The following KCNJ6 variants were observed in gnomAD, a reference collection of about 807,000 sequenced individuals.
KCNJ6 encodes the protein potassium inwardly rectifying channel subfamily J member 6, also known as G protein-activated inward rectifier potassium channel 2.
A neutral mutation model predicts 34.2 loss-of-function variants in KCNJ6; 9 were observed. The observed-to-expected ratio is 0.26, with a 90% CI of 0.16 to 0.46. The LOEUF (loss-of-function observed/expected upper bound fraction) is 0.46, where lower values mean the gene tolerates loss of function less well. Among genes scored for constraint, KCNJ6 ranks in the 20% least tolerant of loss-of-function variants. KCNJ6 has a pLI of 1.00. For synonymous variants in KCNJ6, 196 were observed against 207.1 expected, an observed-to-expected ratio of 0.95 and a Z score of 0.46; for missense variants, 236 against 531.3, an observed-to-expected ratio of 0.44 and a Z score of 5.46.
chr21:37,769,410 A>AT (rs757100924), intron 2 of KCNJ6, among the ~76,000 whole-genome samples: 1 of 94,196 alleles, frequency 1.1e-5, no homozygotes, highest in Non-Finnish European at 2.1e-5. Context: ...GTAGCCTTCA[A>AT]TTTTATTATT....
chr21:37,826,907 G>A (rs562992193), intron 2 of KCNJ6, among the ~76,000 whole-genome samples: 2 of 152,080 alleles, frequency 1.3e-5, no homozygotes, highest in Admixed American at 6.5e-5. Flanking sequence ...TCCTTTTCAC[G>A]TCTTACTGAG....
At chr21:37,706,994 T>C (rs2054723220) in intron 3 of KCNJ6, among the ~76,000 whole-genome samples, 1 of 152,252 alleles carries the variant, frequency 6.6e-6, no homozygotes, top group Non-Finnish European at 1.5e-5. Context: ...TCATGTCCAC[T>C]TTCGGTAGAA....
intron 2 of KCNJ6, among the ~76,000 whole-genome samples, chr21:37,718,938 G>C (rs1037234508): frequency 6.6e-6 from 1 of 152,208 alleles, no homozygotes; most frequent in African/African-American, 2.4e-5. Flanking sequence ...TCCCTCCCAG[G>C]TGAGGCCGTG....
At chr21:37,772,469 G>A (rs965909487) in intron 2 of KCNJ6, among the ~76,000 whole-genome samples, 2 of 152,130 alleles carry the variant, frequency 1.3e-5, no homozygotes, top group Non-Finnish European at 2.9e-5. Flanking sequence ...AGTTATTTTA[G>A]AATCGTCATA....
intron 2 of KCNJ6, among the ~76,000 whole-genome samples, chr21:37,791,731 T>C (rs568470025): frequency 1.3e-5 from 2 of 152,346 alleles, no homozygotes; most frequent in South Asian, 4.1e-4. Context: ...CCTGCCAGCA[T>C]TGCTTTCCTA....
intron 1 of KCNJ6, among the ~76,000 whole-genome samples, chr21:37,841,843 T>G (rs2055482451): frequency 6.6e-6 from 1 of 152,256 alleles, no homozygotes; most frequent in African/African-American, 2.4e-5. Flanking sequence ...TTTTTACTAC[T>G]TCATAAAACA....
In KCNJ6 at chr21:37,714,852, A is replaced by G; in HGVS notation, c.305T>C (p.Val102Ala). 2 of 1,614,260 alleles carry G rather than the reference A, an allele frequency of 1.2e-6. No homozygotes were observed. Among genetic ancestry groups the G allele is most frequent in the Non-Finnish European group, 1.7e-6 (2 of 1,180,050 alleles). Reference sequence around the variant, plus strand: ...GATCATTCCAAAAAAGAGCCAGGTCACTGTGTAAACCATGACAAAAATCAA... The same window carrying G: ...GATCATTCCAAAAAAGAGCCAGGTCGCTGTGTAAACCATGACAAAAATCAA... ...NLLIFVMVYT[V>A]TWLFFGMIWW... is the part of the protein sequence containing the mutation. Residue 102 changes from valine to alanine, a missense_variant, in exon 3 of 4, where the codon GTG (valine) becomes GCG (alanine). By Grantham distance (64) the Val-to-Ala change is moderately conservative. Coordinates refer to ENST00000609713, the MANE Select transcript of KCNJ6 (RefSeq NM_002240.5). The surrounding 1 kb of genome is among the most constrained non-coding windows in gnomAD (Gnocchi z 5.9).
chr21:37,658,043 G>A (rs964911467), intron 3 of KCNJ6, among the ~76,000 whole-genome samples: 16 of 152,194 alleles, frequency 1.1e-4, no homozygotes, highest in African/African-American at 3.9e-4. Flanking sequence ...TTAAAACGAG[G>A]CTCTTATTCC....
intron 2 of KCNJ6, among the ~76,000 whole-genome samples, chr21:37,739,817 G>A (rs1218278149): frequency 1.3e-5 from 2 of 152,022 alleles, no homozygotes; most frequent in East Asian, 3.9e-4. Flanking sequence ...AATGGGAAAA[G>A]TGAACTGGGA....
chr21:37,891,363 A>T (rs1255497196), intron 1 of KCNJ6, among the ~76,000 whole-genome samples: 2 of 152,154 alleles, frequency 1.3e-5, no homozygotes, highest in Non-Finnish European at 1.5e-5. Context: ...ACACAGGCAC[A>T]CATGCACGGA....
chr21:37,877,170 T>G (rs1199660011), intron 1 of KCNJ6, among the ~76,000 whole-genome samples: 1 of 152,096 alleles, frequency 6.6e-6, no homozygotes, highest in East Asian at 1.9e-4. Flanking sequence ...AACGCCTAAT[T>G]GGGGAAATAG....
At chr21:37,709,804 T>A (rs1041522116) in intron 3 of KCNJ6, among the ~76,000 whole-genome samples, 3 of 152,218 alleles carry the variant, frequency 2.0e-5, no homozygotes, top group Non-Finnish European at 4.4e-5. Flanking sequence ...GTGACTAAAA[T>A]TCTCTGCCTG....
At chr21:37,871,131 G>A (rs1601510545) in intron 1 of KCNJ6, among the ~76,000 whole-genome samples, 1 of 152,140 alleles carries the variant, frequency 6.6e-6, no homozygotes, top group East Asian at 1.9e-4. Context: ...GCTTAGTATG[G>A]ATGGAGGGGA....
chr21:37,848,305 A>AT (rs1011898458), intron 1 of KCNJ6, among the ~76,000 whole-genome samples: 2 of 152,182 alleles, frequency 1.3e-5, no homozygotes, highest in Non-Finnish European at 2.9e-5. Context: ...ATGGGGTACC[A>AT]TTTTTTTAGA....
chr21:37,783,782 G>T (rs78778521), intron 2 of KCNJ6, among the ~76,000 whole-genome samples: 1 of 152,176 alleles, frequency 6.6e-6, no homozygotes, highest in African/African-American at 2.4e-5. Flanking sequence ...GGGAATTAAG[G>T]TTAAGTGAGG....
At chr21:37,639,908 C>G (rs1390849131) in intron 3 of KCNJ6, among the ~76,000 whole-genome samples, 1 of 152,196 alleles carries the variant, frequency 6.6e-6, no homozygotes, top group Non-Finnish European at 1.5e-5. Flanking sequence ...CCTTCCCCTT[C>G]TGCCATGATT....
At chr21:37,851,158 G>T (rs2055535680) in intron 1 of KCNJ6, among the ~76,000 whole-genome samples, 2 of 152,162 alleles carry the variant, frequency 1.3e-5, no homozygotes, top group South Asian at 4.1e-4. Flanking sequence ...CCCAAGCCAG[G>T]CCACTCTGGT....
Position 37,619,175 on chromosome 21 carries a change from G to C in KCNJ6, c.*5984C>G, listed in dbSNP as rs1451707258. On this transcript the variant is annotated 3_prime_UTR_variant, in exon 4 of 4. Coordinates refer to ENST00000609713, the MANE Select transcript of KCNJ6 (RefSeq NM_002240.5). ...GATTTCCAGGAAAGCACTCATAAGAGAACTTGATATGTTTTTCCATAGAAC... is the reference window on the plus strand; with the variant it reads ...GATTTCCAGGAAAGCACTCATAAGACAACTTGATATGTTTTTCCATAGAAC... 6.6e-6 allele frequency: 1 copy of C among 152,070 alleles called. No homozygotes were observed. The highest frequency in any genetic ancestry group is 1.5e-5 in the Non-Finnish European group (1 of 68,018). The allele number at this position is 152,070 out of a possible 1,614,324, so 9.4% of individuals were successfully genotyped here.
Position 37,617,168 on chromosome 21 carries a change from T to TC in KCNJ6, c.*7990_*7991insG, listed in dbSNP as rs1569430178. The TC allele has an allele frequency of 2.8e-3, 248 of 89,966 alleles. 5 individuals are homozygous for TC. Among genetic ancestry groups the TC allele is most frequent in the African/African-American group, 9.8e-3 (238 of 24,202 alleles). 5.6% of individuals were successfully genotyped at this position (89,966 alleles called of 1,614,324 possible). A position where few individuals can be genotyped will look rare whatever the true frequency, so the allele number is the denominator to read the frequency against. On this transcript the variant is annotated 3_prime_UTR_variant, in exon 4 of 4. Transcript: ENST00000609713. ...CCTTCCTTCCTTCTTTCTTTATCTT[T>TC]TTTCCTTCCTTCCTTCCTTCCTTCC...
Sources: gnomAD v4.1 joint callset for allele counts (sites outside exome capture counted in the v4.1 genomes callset) on GRCh38, gnomAD v4.1.1 for gene constraint, Gnocchi (gnomAD v3.1) non-coding constraint, MANE v1.5 for transcripts, NCBI Gene and HGNC (gene_info 2026-07-23, HGNC 2026-07-21) for gene names.